Variants in PRKD1 observed in about 807,000 individuals in gnomAD.
The protein encoded by PRKD1 is serine/threonine-protein kinase D1.
PRKD1 carries 63 observed loss-of-function variants against 95.9 expected under a neutral mutation model. The observed-to-expected ratio is 0.66, with a 90% CI of 0.54 to 0.81. PRKD1 has a LOEUF of 0.81. Ranked by LOEUF, PRKD1 falls within the 30% of genes least tolerant of loss-of-function variation. The pLI is 0.00. For synonymous variants in PRKD1, 425 were observed against 423.1 expected (o/e 1.00, Z -0.05); for missense variants, 1,048 against 1,165.3 (o/e 0.90, Z 1.47).
At chr14:29,673,662 T>TA (rs1882994717) in intron 2 of PRKD1, among the ~76,000 whole-genome samples, 1 of 152,254 alleles carries the variant, frequency 6.6e-6, no homozygotes, top group African/African-American at 2.4e-5. Context: ...TTCTCGTAGT[T>TA]AAACATGTTG....
intron 1 of PRKD1, among the ~76,000 whole-genome samples, chr14:29,892,613 G>A (rs1344363715): frequency 6.6e-6 from 1 of 152,162 alleles, no homozygotes; most frequent in Admixed American, 6.5e-5. Context: ...TGTGGAGAAG[G>A]TAGATGATCA....
chr14:29,624,475 G>C (rs45454798), intron 12 of PRKD1, among the ~76,000 whole-genome samples: 1 of 151,918 alleles, frequency 6.6e-6, no homozygotes, highest in Non-Finnish European at 1.5e-5. Flanking sequence ...GAACGCAAAA[G>C]AATTGGGGCA....
chr14:29,797,813 G>A (rs1378870716), intron 1 of PRKD1, among the ~76,000 whole-genome samples: 2 of 152,098 alleles, frequency 1.3e-5, no homozygotes, highest in Non-Finnish European at 2.9e-5. Flanking sequence ...ATTGCAAATG[G>A]ACTACCATTT....
At chr14:29,605,989 T>C (rs78159595) in intron 13 of PRKD1, among the ~76,000 whole-genome samples, 5,822 of 152,244 alleles carry the variant, frequency 0.038, 393 homozygotes, top group African/African-American at 0.13. Flanking sequence ...ATGACAAATA[T>C]GATCATAAGT....
At chr14:29,894,182 G>T (rs1375640331) in intron 1 of PRKD1, among the ~76,000 whole-genome samples, 2 of 152,186 alleles carry the variant, frequency 1.3e-5, no homozygotes, top group African/African-American at 4.8e-5. Flanking sequence ...AGGAAAAGTG[G>T]TTCAGTCAGG....
chr14:29,667,191 C>T (rs556283209), intron 2 of PRKD1, among the ~76,000 whole-genome samples: 3 of 152,160 alleles, frequency 2.0e-5, no homozygotes, highest in South Asian at 2.1e-4. Context: ...GGCAGAAGAC[C>T]TGGGGGAAGC....
At chr14:29,749,614 T>G (rs1232999066) in intron 1 of PRKD1, among the ~76,000 whole-genome samples, 1 of 152,234 alleles carries the variant, frequency 6.6e-6, no homozygotes, top group Non-Finnish European at 1.5e-5. Flanking sequence ...TGATCCATGC[T>G]GGGTGTTACC....
chr14:29,713,959 A>G (rs1885465457), intron 2 of PRKD1, among the ~76,000 whole-genome samples: 2 of 152,238 alleles, frequency 1.3e-5, no homozygotes, highest in South Asian at 4.1e-4. Context: ...TCTTTTAATC[A>G]GTAGGGTATT....
chr14:29,634,652 A>T (rs1290627215), intron 7 of PRKD1, 111 bp from the exon 8 acceptor site: 3 of 1,398,364 alleles, frequency 2.1e-6, no homozygotes, highest in Admixed American at 3.5e-5. Context: ...CAAAATTCAC[A>T]TCTCATGTTT....
At chr14:29,825,359 T>C (rs1891069295) in intron 1 of PRKD1, among the ~76,000 whole-genome samples, 2 of 152,174 alleles carry the variant, frequency 1.3e-5, no homozygotes, top group African/African-American at 4.8e-5. Context: ...TGACAGACTT[T>C]AAGACGTAGT....
At chr14:29,906,369 T>C (rs1447561083) in intron 1 of PRKD1, among the ~76,000 whole-genome samples, 1 of 152,018 alleles carries the variant, frequency 6.6e-6, no homozygotes, top group African/African-American at 2.4e-5. Flanking sequence ...GGAGACTCCG[T>C]CTCTACAGAA....
chr14:29,769,183 A>G (rs12891897), intron 1 of PRKD1, among the ~76,000 whole-genome samples: 22,650 of 152,196 alleles, frequency 0.15, 2,009 homozygotes, highest in South Asian at 0.23. Context: ...GAAAACCAAA[A>G]CACGGTAGAC....
intron 13 of PRKD1, among the ~76,000 whole-genome samples, chr14:29,607,848 G>C (rs1282808454): frequency 1.3e-5 from 2 of 152,096 alleles, no homozygotes; most frequent in Non-Finnish European, 1.5e-5. Context: ...CAGAGATTAG[G>C]GTGCAGACAT....
chr14:29,691,249 G>A (rs1184591926), intron 2 of PRKD1, among the ~76,000 whole-genome samples: 1 of 152,146 alleles, frequency 6.6e-6, no homozygotes, highest in Non-Finnish European at 1.5e-5. Context: ...AGAACACCAG[G>A]CCAGTTCCCA....
chr14:29,624,980 A>G (rs1879525157), intron 12 of PRKD1, among the ~76,000 whole-genome samples: 1 of 152,188 alleles, frequency 6.6e-6, no homozygotes, highest in Admixed American at 6.5e-5. Flanking sequence ...TGTTAATTGA[A>G]TCTGAAAATA....
chr14:29,737,955 A>G (rs989991850), intron 1 of PRKD1, among the ~76,000 whole-genome samples: 7 of 152,260 alleles, frequency 4.6e-5, no homozygotes, highest in Non-Finnish European at 8.8e-5. Context: ...ACAAATACTT[A>G]TTGAACTGGG....
chr14:29,772,181 T>C (rs1331220126), intron 1 of PRKD1, among the ~76,000 whole-genome samples: 1 of 152,196 alleles, frequency 6.6e-6, no homozygotes, highest in East Asian at 1.9e-4. Flanking sequence ...AGAATATTAA[T>C]TTAGGAGATG....
chr14:29,893,038 C>T (rs923860939), intron 1 of PRKD1, among the ~76,000 whole-genome samples: 1 of 152,130 alleles, frequency 6.6e-6, no homozygotes, highest in Non-Finnish European at 1.5e-5. Context: ...TATCTATTGA[C>T]TTTCTTCTGA....
chr14:29,604,830 A>T (rs1214533563), intron 13 of PRKD1, among the ~76,000 whole-genome samples: 2 of 152,144 alleles, frequency 1.3e-5, no homozygotes, highest in African/African-American at 4.8e-5. Context: ...ATATGATAAG[A>T]TCTCCTAAAT....
Sources: allele counts gnomAD v4.1 joint callset (sites outside exome capture counted in the v4.1 genomes callset), GRCh38; gene constraint gnomAD v4.1.1; transcripts MANE v1.5; gene names NCBI Gene and HGNC (gene_info 2026-07-23, HGNC 2026-07-21).